TNRC18: variants seen among roughly 807,000 people sequenced by gnomAD.
The protein encoded by TNRC18 is trinucleotide repeat containing 18, also known as trinucleotide repeat-containing gene 18 protein.
In TNRC18, 69 loss-of-function variants were observed where a neutral mutation model predicts 226.7. That is an observed-to-expected ratio of 0.30 (90% CI 0.25 to 0.37). The LOEUF (loss-of-function observed/expected upper bound fraction) is 0.37. TNRC18 is among the 10% of genes least tolerant of loss of function. The pLI is 1.00. For synonymous variants in TNRC18, 2,449 were observed against 1,927.6 expected, an observed-to-expected ratio of 1.27 and a Z score of -7.09; for missense variants, 4,754 against 4,256.6, an observed-to-expected ratio of 1.12 and a Z score of -3.25.
chr7:5,419,073 C>A (rs529668342), intron 2 of TNRC18, among the ~76,000 whole-genome samples: 3 of 152,314 alleles, frequency 2.0e-5, no homozygotes, highest in East Asian at 1.9e-4. Flanking sequence ...CAGCTCCCAG[C>A]GAGCGCAGAA....
intron 2 of TNRC18, among the ~76,000 whole-genome samples, chr7:5,416,364 G>C (rs1012992764): frequency 1.3e-5 from 2 of 149,292 alleles, no homozygotes; most frequent in Non-Finnish European, 3.0e-5. Flanking sequence ...GCAGTGAGCC[G>C]AGATGGAGCC....
chr7:5,375,988 C>T, intron 9 of TNRC18, 46 bp downstream of exon 9: 1 of 1,540,496 alleles, frequency 6.5e-7, no homozygotes, highest in Non-Finnish European at 8.7e-7. Flanking sequence ...CCTCGTCACC[C>T]ATGGGGGCCC....
chr7:5,325,427 T>G (rs1262968740), intron 19 of TNRC18, 179 bp from the exon 20 acceptor site: 20 of 655,662 alleles, frequency 3.1e-5, no homozygotes, highest in African/African-American at 2.1e-4. Flanking sequence ...GGTTTTTTTT[T>G]GTTTTTTTTT....
chr7:5,364,462 AACAC>A (rs58752853), intron 11 of TNRC18, among the ~76,000 whole-genome samples: 9,793 of 116,258 alleles, frequency 0.084, 486 homozygotes, highest in East Asian at 0.3. Flanking sequence ...TCTCAAAGAA[AACAC>A]ACACACACAC....
At chr7:5,348,830 A>G (rs1053051306) in intron 17 of TNRC18, among the ~76,000 whole-genome samples, 1 of 152,146 alleles carries the variant, frequency 6.6e-6, no homozygotes, top group Non-Finnish European at 1.5e-5. Context: ...CAGGCGTCAC[A>G]TGGCTCTGTC....
At position 5,374,190 on chromosome 7, in the gene TNRC18, TGGGG is replaced by T; in HGVS notation, c.3090_3093del (p.His1030GlnfsTer128). On this transcript the variant is annotated frameshift_variant, in exon 10 of 30. Coordinates refer to ENST00000430969, the MANE Select transcript of TNRC18 (RefSeq NM_001080495.3). LOFTEE classifies it high-confidence loss of function. ...GGTGGGGAGGCGGGCGGCGGGCTGGTGGGGTGGGAGCTGGGGGTGGCGGGGTAGG... is the reference window on the plus strand; with the variant it reads ...GGTGGGGAGGCGGGCGGCGGGCTGGTTGGGAGCTGGGGGTGGCGGGGTAGG... 1 of 77,216 alleles carries T rather than the reference TGGGG, an allele frequency of 1.3e-5. No individual in the cohort carries two copies. Among genetic ancestry groups the T allele is most frequent in the Non-Finnish European group, 1.7e-5 (1 of 60,352 alleles). 4.8% of individuals were successfully genotyped at this position (77,216 alleles called of 1,614,324 possible). A position where few individuals can be genotyped will look rare whatever the true frequency, so the allele number is the denominator to read the frequency against.
chr7:5,398,029 C>G (rs1780815463), intron 2 of TNRC18, among the ~76,000 whole-genome samples: 1 of 152,158 alleles, frequency 6.6e-6, no homozygotes, highest in Non-Finnish European at 1.5e-5. Context: ...GGGTCTCACT[C>G]TGTTCAATTC....
intron 21 of TNRC18, among the ~76,000 whole-genome samples, chr7:5,323,015 G>A (rs1788531371): frequency 6.6e-6 from 1 of 152,208 alleles, no homozygotes; most frequent in Non-Finnish European, 1.5e-5. Flanking sequence ...CACACGCAGA[G>A]AGGACCACAG....
chr7:5,356,123 C>T (rs978411641), intron 16 of TNRC18, among the ~76,000 whole-genome samples: 4 of 151,148 alleles, frequency 2.6e-5, no homozygotes, highest in East Asian at 3.9e-4. Context: ...AAGATCGCAC[C>T]ACTGCACTCC....
intron 19 of TNRC18, among the ~76,000 whole-genome samples, 188 bp downstream of exon 19, chr7:5,332,434 A>G (rs577465103): frequency 6.6e-6 from 1 of 152,312 alleles, no homozygotes; most frequent in Admixed American, 6.5e-5. Flanking sequence ...TTGACTCTTA[A>G]GAAACAAAGG....
Position 5,373,142 on chromosome 7 carries a change from G to A in TNRC18, c.3229+913C>T, listed in dbSNP as rs542548351. 5.3e-5 allele frequency among the ~76,000 whole-genome samples: 8 copies of A among 152,242 alleles called. No individual in the cohort carries two copies. In the South Asian group the frequency reaches 1.7e-3, roughly 32 times the overall value. ...GACTGCACTCCAGCCTGGGCAACAA[G>A]AGCAAAACTCCGTCTCAAAAATAAA... is the stretch of plus-strand genomic sequence containing the variant. On this transcript the variant is annotated intron_variant, in intron 10 of 29. Coordinates refer to ENST00000430969, the MANE Select transcript of TNRC18 (RefSeq NM_001080495.3).
chr7:5,405,588 A>G (rs1240940013), intron 2 of TNRC18, among the ~76,000 whole-genome samples: 2 of 151,890 alleles, frequency 1.3e-5, no homozygotes, highest in East Asian at 3.9e-4. Context: ...AAACAAAACA[A>G]AACAAAAAGC....
chr7:5,364,723 GAAC>G (rs2128165234), intron 11 of TNRC18, among the ~76,000 whole-genome samples: 1 of 147,336 alleles, frequency 6.8e-6, no homozygotes, highest in East Asian at 2.0e-4. Flanking sequence ...AGAATCGCTT[GAAC>G]CCAGGAGGCA....
chr7:5,354,383 C>T (rs1354978429), intron 16 of TNRC18, among the ~76,000 whole-genome samples: 3 of 152,020 alleles, frequency 2.0e-5, no homozygotes, highest in Non-Finnish European at 2.9e-5. Context: ...TTTCAGCTAC[C>T]ACCCAAACTG....
intron 11 of TNRC18, among the ~76,000 whole-genome samples, chr7:5,368,184 A>C (rs1483401363): frequency 6.6e-6 from 1 of 152,162 alleles, no homozygotes; most frequent in Non-Finnish European, 1.5e-5. Context: ...TAAAAACCAC[A>C]GCTTTAAGCC....
chr7:5,336,010 C>T lies in TNRC18; in HGVS notation c.5720-2961G>A, dbSNP rs192187818. On this transcript the variant is annotated intron_variant, in intron 18 of 29. Coordinates refer to ENST00000430969, the MANE Select transcript of TNRC18 (RefSeq NM_001080495.3). ...TCACTTGAGGTGAGGAGTTTGAGACCAGCCTGGCCAACATGGCAAAACCCC... is the reference window on the plus strand; with the variant it reads ...TCACTTGAGGTGAGGAGTTTGAGACTAGCCTGGCCAACATGGCAAAACCCC... Among the ~76,000 whole-genome samples the T allele has an allele frequency of 1.0e-3, 156 of 151,950 alleles. 1 individual carries two copies. Among genetic ancestry groups the T allele is most frequent in the Non-Finnish European group, 1.6e-3 (112 of 67,922 alleles).
chr7:5,413,065 G>A (rs978850801), intron 2 of TNRC18, among the ~76,000 whole-genome samples: 1 of 152,178 alleles, frequency 6.6e-6, no homozygotes. Context: ...CACTAACCAG[G>A]GCTCCCAGCA....
In TNRC18 at chr7:5,419,515, G is replaced by T. The variant is rs527302902; in HGVS notation, c.187+1545C>A. On this transcript the variant is annotated intron_variant, in intron 2 of 29. Transcript: ENST00000430969. ...CTTGTGGGGAGCGCAAAAGGGGACA[G>T]CTCAGATGGTCTCTGTACCCCAGGG... Among the ~76,000 whole-genome samples, 3 of 152,350 alleles carry T rather than the reference G, an allele frequency of 2.0e-5. No homozygotes were observed. In the East Asian group the frequency reaches 5.8e-4, roughly 29 times the overall value.
chr7:5,378,302 A>C (rs558623392), intron 5 of TNRC18, among the ~76,000 whole-genome samples: 2 of 152,238 alleles, frequency 1.3e-5, no homozygotes, highest in Non-Finnish European at 2.9e-5. Flanking sequence ...CCGTGGCGAT[A>C]ATTAGGCCAA....
Sources: allele counts gnomAD v4.1 joint callset (sites outside exome capture counted in the v4.1 genomes callset), GRCh38; gene constraint gnomAD v4.1.1; transcripts MANE v1.5; gene names NCBI Gene and HGNC (gene_info 2026-07-23, HGNC 2026-07-21).